The following WTIP variants were observed in gnomAD, a reference collection of about 807,000 sequenced individuals.
The protein encoded by WTIP is WT1 interacting protein, also known as Wilms tumor protein 1-interacting protein.
WTIP carries 23 observed loss-of-function variants against 41.7 expected under a neutral mutation model. That is an observed-to-expected ratio of 0.55 (90% CI 0.40 to 0.78). The LOEUF (loss-of-function observed/expected upper bound fraction) is 0.78, where lower values mean the gene tolerates loss of function less well. Among genes scored for constraint, WTIP ranks in the 30% least tolerant of loss-of-function variants. The pLI is 0.00. For synonymous variants in WTIP, 314 were observed against 269.9 expected (o/e 1.16, Z -1.60); for missense variants, 619 against 610.5 (o/e 1.01, Z -0.15).
Position 34,500,284 on chromosome 19 carries a change from G to T in WTIP, c.*15G>T. 6.3e-7 allele frequency: 1 copy of T among 1,596,994 alleles called. No individual in the cohort carries two copies. On this transcript the variant is annotated 3_prime_UTR_variant, in exon 8 of 8. Coordinates refer to ENST00000590071, the MANE Select transcript of WTIP (RefSeq NM_001080436.2). ...CTGAGCTCTGAGCAGGGGAAAACCCGTCCCTGGGCCGGGGTGGGTGTGGGT... is the reference window on the plus strand; with the variant it reads ...CTGAGCTCTGAGCAGGGGAAAACCCTTCCCTGGGCCGGGGTGGGTGTGGGT...
chr19:34,495,595 CGTGCACCTCCGCCGGGACAGGAGCGTGGT>C, intron 6 of WTIP, 79 bp from the exon 7 acceptor site: 3 of 1,254,652 alleles, frequency 2.4e-6, no homozygotes, highest in Non-Finnish European at 3.4e-6. Context: ...CCGGGGCGGG[CGTGCACCTCCGCCGGGACAGGAGCGTGGT>C]GTGTGGGAGT....
In WTIP at chr19:34,482,986, C is replaced by CT. The variant is rs57931235; in HGVS notation, c.667+357dup. Among the ~76,000 whole-genome samples, 693 of 136,810 alleles carry CT rather than the reference C, an allele frequency of 5.1e-3. 8 individuals are homozygous for CT. The highest frequency in any genetic ancestry group is 0.017 in the African/African-American group (635 of 36,852). 89.8% of individuals were successfully genotyped at this position (136,810 alleles called of 152,430 possible). On this transcript the variant is annotated intron_variant, in intron 1 of 7. Coordinates refer to ENST00000590071, the MANE Select transcript of WTIP (RefSeq NM_001080436.2). ...TTCTGATAATTTTTTCTTCTTTCTTCTTTTTTTTTTTTCTTTCTTCTTTTT... is the reference window on the plus strand; with the variant it reads ...TTCTGATAATTTTTTCTTCTTTCTTCTTTTTTTTTTTTTCTTTCTTCTTTTT...
intron 2 of WTIP, among the ~76,000 whole-genome samples, chr19:34,491,216 G>A (rs897629287): frequency 6.6e-6 from 1 of 152,250 alleles, no homozygotes; most frequent in South Asian, 2.1e-4. Flanking sequence ...AAGAAAAAAG[G>A]AACTATAATC....
chr19:34,489,725 T>G (rs1339914913), intron 1 of WTIP, among the ~76,000 whole-genome samples: 1 of 152,218 alleles, frequency 6.6e-6, no homozygotes, highest in African/African-American at 2.4e-5. Flanking sequence ...GGAGGATTGT[T>G]TGAGCCCACC....
At chr19:34,492,986 A>G in intron 2 of WTIP, 51 bp from the exon 3 acceptor site, 1 of 1,593,186 alleles carries the variant, frequency 6.3e-7, no homozygotes, top group Non-Finnish European at 8.6e-7. Context: ...GCACGGCTCC[A>G]TCCCTGGTCC....
chr19:34,484,478 T>C (rs537402687), intron 1 of WTIP, among the ~76,000 whole-genome samples: 41 of 152,058 alleles, frequency 2.7e-4, no homozygotes, highest in African/African-American at 9.4e-4. Flanking sequence ...GCAGGTCTCG[T>C]GGCGCCTGTT....
chr19:34,490,424 G>A lies in WTIP; in HGVS notation c.716G>A (p.Cys239Tyr). 2.5e-6 allele frequency: 4 copies of A among 1,614,018 alleles called. No individual in the cohort carries two copies. Among genetic ancestry groups the A allele is most frequent in the Non-Finnish European group, 3.4e-6 (4 of 1,179,890 alleles). ...GGCATCTACGGAGCCCAGCAGGCGT[G>A]CCAGGCAATGGGGAGTCTTTATCAC... ...GLGIYGAQQA[C>Y]QAMGSLYHTD... The change falls in exon 2 of 8, where the codon TGC (cysteine) becomes TAC (tyrosine). Residue 239 changes from cysteine (C) to tyrosine (Y), a missense_variant. By Grantham distance (194) the Cys-to-Tyr change is radical. Coordinates refer to ENST00000590071, the MANE Select transcript of WTIP (RefSeq NM_001080436.2).
At chr19:34,483,903 G>A (rs1044211320) in intron 1 of WTIP, among the ~76,000 whole-genome samples, 19 of 148,518 alleles carry the variant, frequency 1.3e-4, no homozygotes, top group Non-Finnish European at 2.7e-4. Context: ...GCTCACGGCT[G>A]CCCTGAACTG....
In WTIP at chr19:34,501,550, T is replaced by C. The variant is rs746661665; in HGVS notation, c.*1281T>C. 6.6e-6 allele frequency: 1 copy of C among 152,480 alleles called. No homozygotes were observed. Among genetic ancestry groups the C allele is most frequent in the Non-Finnish European group, 1.5e-5 (1 of 68,250 alleles). 9.4% of individuals were successfully genotyped at this position (152,480 alleles called of 1,614,324 possible). Reference sequence around the variant, plus strand: ...CCCTGGGAGAGCCTGGACCCACCTCTTGGCTGCTGCTCTCCCCTTCCTCCC... The same window carrying C: ...CCCTGGGAGAGCCTGGACCCACCTCCTGGCTGCTGCTCTCCCCTTCCTCCC... On this transcript the variant is annotated 3_prime_UTR_variant, in exon 8 of 8. Transcript: ENST00000590071.
Position 34,493,374 on chromosome 19 carries a change from C to G in WTIP, c.900+49C>G, listed in dbSNP as rs2075835723. The G allele has an allele frequency of 1.3e-6, 2 of 1,597,976 alleles. No individual in the cohort carries two copies. Among genetic ancestry groups the G allele is most frequent in the Non-Finnish European group, 1.7e-6 (2 of 1,172,952 alleles). Reference sequence around the variant, plus strand: ...GGAGCCCCTCTGACGTGGGTGGAGTCTGAGGACTCTACCGTCTCCCCTGCT... The same window carrying G: ...GGAGCCCCTCTGACGTGGGTGGAGTGTGAGGACTCTACCGTCTCCCCTGCT... On this transcript the variant is annotated intron_variant, in intron 4 of 7. Transcript: ENST00000590071. The surrounding 1 kb of genome is among the most constrained non-coding windows in gnomAD (Gnocchi z 4.1).
chr19:34,482,307 C>T lies in WTIP; in HGVS notation c.333C>T (p.Ser111=), dbSNP rs1357372570. ...GCAGCGCCCGATCCAGCGGCATCAG[C>T]CTGGGCTACGACCAGCGCCACGGCA... ...GGGSARSSGI[S]LGYDQRHGSP... Residue 111 remains serine, a synonymous_variant, in exon 1 of 8, where the codon AGC becomes AGT. Transcript: ENST00000590071. The T allele has an allele frequency of 3.1e-5, 43 of 1,375,982 alleles. No homozygotes were observed. The highest frequency in any genetic ancestry group is 3.8e-5 in the Non-Finnish European group (40 of 1,057,614). 85.2% of individuals were successfully genotyped at this position (1,375,982 alleles called of 1,614,324 possible). A position where few individuals can be genotyped will look rare whatever the true frequency, so the allele number is the denominator to read the frequency against.
intron 7 of WTIP, among the ~76,000 whole-genome samples, chr19:34,497,152 C>T (rs532168047): frequency 6.6e-6 from 1 of 152,254 alleles, no homozygotes; most frequent in South Asian, 2.1e-4. Context: ...CTTGAGCCAC[C>T]ACACCAGGCC....
chr19:34,491,946 A>G (rs1190784559), intron 2 of WTIP, among the ~76,000 whole-genome samples: 1 of 151,940 alleles, frequency 6.6e-6, no homozygotes, highest in Admixed American at 6.6e-5. Flanking sequence ...GCCTGGCCCT[A>G]TCTTGCCCTT....
intron 7 of WTIP, among the ~76,000 whole-genome samples, chr19:34,499,390 C>T (rs1279543309): frequency 1.3e-5 from 2 of 151,798 alleles, no homozygotes; most frequent in African/African-American, 4.8e-5. Context: ...CGCCAGTGGT[C>T]CCAGCTACTC....
chr19:34,482,810 C>G (rs1229566841), intron 1 of WTIP, 169 bp downstream of exon 1: 1 of 981,674 alleles, frequency 1.0e-6, no homozygotes, highest in Non-Finnish European at 1.2e-6. Flanking sequence ...GACTGGGGAG[C>G]GCAAAGGGTG....
rs8100257 is a variant in WTIP, at chr19:34,505,360, G to A, written c.*5091G>A. The A allele has an allele frequency of 0.32, 48,641 of 152,300 alleles. 9,658 individuals are homozygous for A. The highest frequency in any genetic ancestry group is 0.56 in the African/African-American group (23,040 of 41,488). 9.4% of individuals were successfully genotyped at this position (152,300 alleles called of 1,614,324 possible). ...CCACTTCCCTGGCCCTGAGGGCATT[G>A]CTGGGCCACCATCCCAGACCTGGGG... On this transcript the variant is annotated 3_prime_UTR_variant, in exon 8 of 8. Transcript: ENST00000590071.
intron 1 of WTIP, among the ~76,000 whole-genome samples, chr19:34,489,359 G>A (rs2075814259): frequency 6.6e-6 from 1 of 152,062 alleles, no homozygotes; most frequent in African/African-American, 2.4e-5. Context: ...TGACCTTAGG[G>A]GCATGTGACT....
intron 7 of WTIP, among the ~76,000 whole-genome samples, chr19:34,499,793 G>A (rs2075874720): frequency 6.6e-6 from 1 of 150,998 alleles, no homozygotes; most frequent in South Asian, 2.1e-4. Flanking sequence ...TCTGCCTCCC[G>A]GGTTTAAGTG....
rs1188458486 is a variant in WTIP, at chr19:34,507,217, C to G, written c.*6948C>G. 1 of 118,068 alleles carries G rather than the reference C, an allele frequency of 8.5e-6. No individual in the cohort carries two copies. Among genetic ancestry groups the G allele is most frequent in the South Asian group, 2.6e-4 (1 of 3,892 alleles). 7.3% of individuals were successfully genotyped at this position (118,068 alleles called of 1,614,324 possible). The stretch of plus-strand genomic sequence containing the variant: ...CCAGCCTGGGCAACAAGAGTGAACT[C>G]CGTCTCAAAAAAAAAAAAAAAAAAA... On this transcript the variant is annotated 3_prime_UTR_variant, in exon 8 of 8. Transcript: ENST00000590071.
Sources: gnomAD v4.1 joint callset for allele counts (sites outside exome capture counted in the v4.1 genomes callset) on GRCh38, gnomAD v4.1.1 for gene constraint, Gnocchi (gnomAD v3.1) non-coding constraint, MANE v1.5 for transcripts, NCBI Gene and HGNC (gene_info 2026-07-23, HGNC 2026-07-21) for gene names.